The following SOS1 variants were observed in gnomAD, a reference collection of about 807,000 sequenced individuals.
The protein encoded by SOS1 is son of sevenless homolog 1.
In SOS1, 25 loss-of-function variants were observed where a neutral mutation model predicts 157.6. The observed-to-expected ratio is 0.16, with a 90% CI of 0.12 to 0.22. SOS1 has a LOEUF of 0.22. SOS1 is among the 10% of genes least tolerant of loss of function. SOS1 has a pLI of 1.00. For synonymous variants in SOS1, 528 were observed against 534.0 expected, an observed-to-expected ratio of 0.99 and a Z score of 0.16; for missense variants, 1,237 against 1,599.1, an observed-to-expected ratio of 0.77 and a Z score of 3.86.
At chr2:39,034,733 T>C (rs1670284124) in intron 8 of SOS1, 2 of 452,702 alleles carry the variant, frequency 4.4e-6, no homozygotes, top group African/African-American at 2.0e-5. Context: ...TTAATACAGA[T>C]AGTTGCAAAC....
At chr2:39,112,537 A>G (rs1230434715) in intron 1 of SOS1, among the ~76,000 whole-genome samples, 2 of 152,096 alleles carry the variant, frequency 1.3e-5, no homozygotes, top group East Asian at 3.9e-4. Flanking sequence ...TCCTGGTTTC[A>G]AGTGATCCTC....
chr2:39,067,830 G>T, intron 1 of SOS1, 77 bp from the exon 2 acceptor site: 1 of 1,389,606 alleles, frequency 7.2e-7, no homozygotes, highest in Middle Eastern at 1.9e-4. Context: ...AAAAAATGTG[G>T]GTTTGTGGCC....
At chr2:39,001,311 C>A (rs1246739794) in intron 17 of SOS1, among the ~76,000 whole-genome samples, 3 of 152,210 alleles carry the variant, frequency 2.0e-5, no homozygotes, top group African/African-American at 7.2e-5. Context: ...AATTCGCTCA[C>A]CTCAACCTCT....
intron 4 of SOS1, 148 bp downstream of exon 4, chr2:39,056,554 T>C (rs1671221066): frequency 6.3e-6 from 4 of 634,994 alleles, no homozygotes; most frequent in Non-Finnish European, 8.4e-6. Context: ...CTTATTTCTA[T>C]AAAGTGGTAT....
At chr2:39,036,132 G>C (rs1009764505) in intron 6 of SOS1, among the ~76,000 whole-genome samples, 1 of 152,112 alleles carries the variant, frequency 6.6e-6, no homozygotes, top group Non-Finnish European at 1.5e-5. Flanking sequence ...TAGGTATCTT[G>C]ATTTTAGCAG....
At chr2:39,028,975 A>T (rs1393458150) in intron 8 of SOS1, among the ~76,000 whole-genome samples, 1 of 152,244 alleles carries the variant, frequency 6.6e-6, no homozygotes, top group Non-Finnish European at 1.5e-5. Flanking sequence ...AATGTATGAA[A>T]TATTATCCAA....
At chr2:39,116,873 A>C (rs919395041) in intron 1 of SOS1, among the ~76,000 whole-genome samples, 1 of 152,130 alleles carries the variant, frequency 6.6e-6, no homozygotes, top group Non-Finnish European at 1.5e-5. Flanking sequence ...AACAAACAAA[A>C]GAAACTTTAT....
chr2:39,123,931 G>A (rs1378795996), upstream of SOS1, among the ~76,000 whole-genome samples: 1 of 152,228 alleles, frequency 6.6e-6, no homozygotes, highest in Non-Finnish European at 1.5e-5. Context: ...TGATTTGACT[G>A]CAGAGGAAAA....
At chr2:39,045,173 G>T (rs765038923) in intron 6 of SOS1, among the ~76,000 whole-genome samples, 2 of 151,010 alleles carry the variant, frequency 1.3e-5, no homozygotes, top group Non-Finnish European at 2.9e-5. Flanking sequence ...ATCCACAGTC[G>T]GTTGAATCCA....
At chr2:39,050,157 A>T (rs909804893) in intron 6 of SOS1, among the ~76,000 whole-genome samples, 2 of 152,186 alleles carry the variant, frequency 1.3e-5, no homozygotes, top group East Asian at 3.8e-4. Flanking sequence ...AGTCTTAATT[A>T]AAAAAATATT....
chr2:39,093,036 C>G (rs1243435874), intron 1 of SOS1, among the ~76,000 whole-genome samples: 1 of 152,104 alleles, frequency 6.6e-6, no homozygotes, highest in Non-Finnish European at 1.5e-5. Flanking sequence ...TAAGCATATA[C>G]AAAGATGTCA....
chr2:39,027,891 C>G (rs1178469013), intron 8 of SOS1, among the ~76,000 whole-genome samples: 1 of 150,126 alleles, frequency 6.7e-6, no homozygotes, highest in Admixed American at 6.6e-5. Context: ...TGCAGTGGCA[C>G]AATCTTAGCT....
chr2:39,023,253 T>C (rs1669854763), intron 9 of SOS1, 28 bp from the exon 10 acceptor site: 4 of 1,566,136 alleles, frequency 2.6e-6, no homozygotes, highest in Non-Finnish European at 3.5e-6. Flanking sequence ...ACATTATTAG[T>C]ACATAGATGA....
In SOS1 at chr2:39,010,751, T is replaced by C. The variant is rs200328240; in HGVS notation, c.2391-48A>G. The C allele has an allele frequency of 6.6e-5, 96 of 1,464,286 alleles. No homozygotes were observed. The Admixed American group carries it at 1.5e-3, about 24-fold the overall frequency. 90.7% of individuals were successfully genotyped at this position (1,464,286 alleles called of 1,614,324 possible). ...CTACATGACACTTTTTTCTCTAATATAGACATTGTTTTATTAAGTAAAGGA... is the reference window on the plus strand; with the variant it reads ...CTACATGACACTTTTTTCTCTAATACAGACATTGTTTTATTAAGTAAAGGA... On this transcript the variant is annotated intron_variant, in intron 14 of 22. Coordinates refer to ENST00000402219, the MANE Select transcript of SOS1 (RefSeq NM_005633.4).
chr2:39,009,828 T>A (rs1356310505), intron 15 of SOS1, among the ~76,000 whole-genome samples: 1 of 152,218 alleles, frequency 6.6e-6, no homozygotes, highest in Non-Finnish European at 1.5e-5. Context: ...AAGCTGATTC[T>A]GATAAGATGT....
At position 38,995,248 on chromosome 2, in the gene SOS1, T is replaced by C. The variant is rs773504580; in HGVS notation, c.3221A>G (p.Glu1074Gly). The C allele has an allele frequency of 5.0e-6, 8 of 1,613,986 alleles. No individual in the cohort carries two copies. The highest frequency in any genetic ancestry group is 2.2e-5 in the South Asian group (2 of 91,088). The change falls in exon 20 of 23, where the codon GAA (glutamate) becomes GGA (glycine). Residue 1074 changes from glutamate (E) to glycine (G), a missense_variant. This residue lies in a region of SOS1 where 306 missense variants were observed against 322.6 expected (regional missense o/e 0.95). Coordinates refer to ENST00000402219, the MANE Select transcript of SOS1 (RefSeq NM_005633.4). ...AGAATTTGGTGCAGATGCTGTACTT[T>C]CTGTTTCACTTTCAGGGATCCTACT... ...SYSRIPESETESTASAPNSPR... is the reference protein window; with the variant it reads ...SYSRIPESETGSTASAPNSPR...
chr2:38,990,156 T>A (rs576832764), intron 20 of SOS1, among the ~76,000 whole-genome samples: 58 of 151,210 alleles, frequency 3.8e-4, no homozygotes, highest in Admixed American at 7.3e-4. Flanking sequence ...TAATTTTTTT[T>A]AAATTCAGAT....
At chr2:39,087,641 T>C (rs1672427798) in intron 1 of SOS1, among the ~76,000 whole-genome samples, 1 of 152,260 alleles carries the variant, frequency 6.6e-6, no homozygotes, top group Non-Finnish European at 1.5e-5. Flanking sequence ...GATAACATGA[T>C]GATCAAATGA....
Position 38,998,240 on chromosome 2 carries a change from TTTTTATA to T in SOS1, c.2792-822_2792-816del, listed in dbSNP as rs558304093. On this transcript the variant is annotated intron_variant, in intron 17 of 22. Transcript: ENST00000402219. ...TTCTCTGTGTGTGATCTTATTTTTT[TTTTTATA>T]TTTTATATTTTATATTTTTTGAGAT... 2.8e-4 allele frequency among the ~76,000 whole-genome samples: 43 copies of T among 152,154 alleles called. No homozygotes were observed. In the East Asian group the frequency reaches 5.6e-3, roughly 20 times the overall value.
Sources: gnomAD v4.1 joint callset for allele counts (sites outside exome capture counted in the v4.1 genomes callset) on GRCh38, gnomAD v4.1.1 for gene constraint, gnomAD v4.1.1 regional missense constraint, MANE v1.5 for transcripts, NCBI Gene and HGNC (gene_info 2026-07-23, HGNC 2026-07-21) for gene names.